XKR4: variants seen among roughly 807,000 people sequenced by gnomAD.
XKR4 encodes the protein XK-related protein 4.
Under a neutral mutation model 53.9 loss-of-function variants are expected in XKR4, and 12 were observed. The ratio of observed to expected loss-of-function variants is 0.22; its 90% confidence interval spans 0.14 to 0.36. The LOEUF (loss-of-function observed/expected upper bound fraction) is 0.36, where lower values mean the gene tolerates loss of function less well. Ranked by LOEUF, XKR4 falls within the 10% of genes least tolerant of loss-of-function variation. The pLI is 1.00. For synonymous variants in XKR4, 354 were observed against 362.4 expected (o/e 0.98, Z 0.26); for missense variants, 799 against 859.5 (o/e 0.93, Z 0.88).
chr8:55,159,339 C>T (rs1355517513), intron 1 of XKR4, among the ~76,000 whole-genome samples: 1 of 152,162 alleles, frequency 6.6e-6, no homozygotes, highest in African/African-American at 2.4e-5. Flanking sequence ...ACAAAGCAAA[C>T]ATCCCTGCCC....
At chr8:55,382,162 T>A (rs1243639123) in intron 2 of XKR4, among the ~76,000 whole-genome samples, 1 of 152,252 alleles carries the variant, frequency 6.6e-6, no homozygotes, top group East Asian at 1.9e-4. Context: ...AAACAATAAT[T>A]ATTTTTCTGA....
At chr8:55,329,285 A>T (rs1803347512) in intron 1 of XKR4, among the ~76,000 whole-genome samples, 2 of 152,086 alleles carry the variant, frequency 1.3e-5, no homozygotes, top group Admixed American at 1.3e-4. Flanking sequence ...AGCTTGTTTA[A>T]CCCAATGCCC....
rs34885296 is a variant in XKR4 at position 55,336,041 on chromosome 8, C to CAA, written c.807-21620_807-21619dup. Among the ~76,000 whole-genome samples the CAA allele has an allele frequency of 4.6e-3, 518 of 113,580 alleles. 6 individuals carry two copies. The highest frequency in any genetic ancestry group is 9.1e-3 in the Middle Eastern group (2 of 220). 74.5% of individuals were successfully genotyped at this position (113,580 alleles called of 152,430 possible). ...TAAAAAATTTTATGCAACTCTATAC[C>CAA]AAAAAAAAAAAAAAAAAAGAAAAGA... On this transcript the variant is annotated intron_variant, in intron 1 of 2. Coordinates refer to ENST00000327381, the MANE Select transcript of XKR4 (RefSeq NM_052898.2).
chr8:55,128,456 T>G (rs1378977266), intron 1 of XKR4, among the ~76,000 whole-genome samples: 2 of 152,150 alleles, frequency 1.3e-5, no homozygotes. Flanking sequence ...TGACTTGGCT[T>G]CAGCCAAGAA....
intron 2 of XKR4, among the ~76,000 whole-genome samples, chr8:55,480,096 C>CA (rs1193771541): frequency 2.0e-5 from 3 of 152,126 alleles, no homozygotes; most frequent in East Asian, 1.9e-4. Flanking sequence ...GAGACACCAA[C>CA]AAAAAAGAGA....
intron 1 of XKR4, among the ~76,000 whole-genome samples, chr8:55,343,637 A>T (rs1466453639): frequency 6.6e-6 from 1 of 152,194 alleles, no homozygotes; most frequent in African/African-American, 2.4e-5. Context: ...TGGCCCCTGC[A>T]GACTGGGCTC....
chr8:55,180,333 C>G (rs1585923038), intron 1 of XKR4, among the ~76,000 whole-genome samples: 1 of 152,256 alleles, frequency 6.6e-6, no homozygotes, highest in East Asian at 1.9e-4. Flanking sequence ...GTATCCAAGT[C>G]TTCGTCAAGG....
intron 1 of XKR4, among the ~76,000 whole-genome samples, chr8:55,243,922 T>C (rs936341221): frequency 6.6e-6 from 1 of 152,204 alleles, no homozygotes; most frequent in Non-Finnish European, 1.5e-5. Flanking sequence ...CCGCACACAA[T>C]AAACACTAAA....
In XKR4 at chr8:55,531,688, T is replaced by C. The variant is rs1311555064; in HGVS notation, c.*7461T>C. ...TTTTGGATAAACTTTGAAGCGATTC[T>C]TGAGAACTTATTTCAAGAAAAGGCA... On this transcript the variant is annotated 3_prime_UTR_variant, in exon 3 of 3. Transcript: ENST00000327381. 1.2e-4 allele frequency: 18 copies of C among 152,258 alleles called. No homozygotes were observed. Among genetic ancestry groups the C allele is most frequent in the Non-Finnish European group, 2.9e-5 (2 of 68,046 alleles). The allele number at this position is 152,258 out of a possible 1,614,324, so 9.4% of individuals were successfully genotyped here. A position where few individuals can be genotyped will look rare whatever the true frequency, so the allele number is the denominator to read the frequency against.
At chr8:55,450,544 G>A in intron 2 of XKR4, 1 of 676,514 alleles carries the variant, frequency 1.5e-6, no homozygotes, top group Non-Finnish European at 2.8e-6. Context: ...TCTAGAAACA[G>A]CGGGACACGT....
chr8:55,282,506 G>A (rs1414848880), intron 1 of XKR4, among the ~76,000 whole-genome samples: 1 of 152,068 alleles, frequency 6.6e-6, no homozygotes, highest in Non-Finnish European at 1.5e-5. Flanking sequence ...GGCATCACAT[G>A]GTGCTAGATG....
intron 1 of XKR4, among the ~76,000 whole-genome samples, chr8:55,209,131 G>A (rs527705032): frequency 3.3e-5 from 5 of 152,224 alleles, no homozygotes; most frequent in African/African-American, 9.6e-5. Context: ...TCCCAAGCCA[G>A]TAAATTCCAG....
intron 1 of XKR4, among the ~76,000 whole-genome samples, chr8:55,356,475 A>C (rs917831440): frequency 2.6e-5 from 4 of 152,266 alleles, no homozygotes; most frequent in African/African-American, 9.6e-5. Flanking sequence ...GACTTAAGAT[A>C]CATATCAAAT....
intron 2 of XKR4, chr8:55,452,130 TC>T: frequency 1.4e-6 from 1 of 700,028 alleles, no homozygotes; most frequent in East Asian, 2.6e-5. Flanking sequence ...GGCCCTGACA[TC>T]CGGTGTGTAC....
chr8:55,455,391 A>G (rs570166668), intron 2 of XKR4, among the ~76,000 whole-genome samples: 2 of 152,234 alleles, frequency 1.3e-5, no homozygotes, highest in East Asian at 3.9e-4. Flanking sequence ...CTTCGCAAAG[A>G]CTACCTCCAT....
intron 2 of XKR4, among the ~76,000 whole-genome samples, chr8:55,383,062 A>C (rs1487525221): frequency 2.0e-5 from 3 of 152,020 alleles, no homozygotes; most frequent in Non-Finnish European, 4.4e-5. Context: ...AAAATACAAA[A>C]ATTAGCCGGG....
intron 1 of XKR4, among the ~76,000 whole-genome samples, chr8:55,186,545 A>C (rs1817380893): frequency 6.6e-6 from 1 of 152,018 alleles, no homozygotes; most frequent in Admixed American, 6.6e-5. Context: ...AGCCCCAGCT[A>C]CTCAGGAGGC....
At chr8:55,234,091 G>A (rs900511582) in intron 1 of XKR4, among the ~76,000 whole-genome samples, 1 of 152,156 alleles carries the variant, frequency 6.6e-6, no homozygotes, top group Non-Finnish European at 1.5e-5. Context: ...ATAGATATTA[G>A]CAAAATGTGA....
intron 2 of XKR4, among the ~76,000 whole-genome samples, chr8:55,489,930 T>G (rs1806248480): frequency 1.3e-5 from 2 of 152,174 alleles, no homozygotes; most frequent in African/African-American, 4.8e-5. Flanking sequence ...TGCTTTCCCC[T>G]CCCAGCCTTT....
Sources: gnomAD v4.1 joint callset for allele counts (sites outside exome capture counted in the v4.1 genomes callset) on GRCh38, gnomAD v4.1.1 for gene constraint, MANE v1.5 for transcripts, NCBI Gene and HGNC (gene_info 2026-07-23, HGNC 2026-07-21) for gene names.